Variants in SHANK1 observed in about 807,000 individuals in gnomAD.
SHANK1 encodes the protein SH3 and multiple ankyrin repeat domains protein 1.
SHANK1 carries 35 observed loss-of-function variants against 165.6 expected under a neutral mutation model. The ratio of observed to expected loss-of-function variants is 0.21; its 90% CI spans 0.16 to 0.28. The LOEUF is 0.28. Among genes scored for constraint, SHANK1 ranks in the 10% least tolerant of loss-of-function variants. SHANK1 has a pLI of 1.00. For missense variants in SHANK1, 2,681 were observed against 3,036.4 expected, an observed-to-expected ratio of 0.88 and a Z score of 2.75; for synonymous variants, 1,428 against 1,384.8, an observed-to-expected ratio of 1.03 and a Z score of -0.69.
intron 15 of SHANK1, among the ~76,000 whole-genome samples, chr19:50,691,900 G>A (rs1054838575): frequency 3.9e-5 from 6 of 151,958 alleles, no homozygotes; most frequent in African/African-American, 1.5e-4. Flanking sequence ...TCCCACGCTG[G>A]TCTTGAACTC....
At chr19:50,682,203 A>C (rs979500596) in intron 21 of SHANK1, among the ~76,000 whole-genome samples, 1 of 151,882 alleles carries the variant, frequency 6.6e-6, no homozygotes, top group Non-Finnish European at 1.5e-5. Flanking sequence ...CCACAGGTGC[A>C]CACCACCACG....
At chr19:50,673,814 CTTT>C (rs35868452) in intron 21 of SHANK1, among the ~76,000 whole-genome samples, 4 of 144,430 alleles carry the variant, frequency 2.8e-5, no homozygotes, top group Non-Finnish European at 3.0e-5. Flanking sequence ...AAAATTTAAA[CTTT>C]TTTTTTTTTT....
chr19:50,669,243 A>G lies in SHANK1; in HGVS notation c.2717T>C (p.Met906Thr). 6.2e-7 allele frequency: 1 copy of G among 1,611,920 alleles called. No homozygotes were observed. The highest frequency in any genetic ancestry group is 8.5e-7 in the Non-Finnish European group (1 of 1,179,088). ...CACAGACAGGCTGCGGCTGAATTTC[A>G]TGGCTGGGGGTGCTAGGTAAGGTCT... ...DDRPYLAPPA[M>T]KFSRSLSVPG... The change falls in exon 23 of 24, where the codon ATG (methionine) becomes ACG (threonine). Residue 906 changes from methionine (M) to threonine (T), a missense_variant. Physicochemically the swap from Met to Thr is moderately conservative, Grantham distance 81. This residue lies in a region of SHANK1 where 206 missense variants were observed against 216.0 expected (regional missense o/e 0.95). Transcript: ENST00000293441.
At chr19:50,708,408 C>T (rs977678293) in intron 8 of SHANK1, among the ~76,000 whole-genome samples, 1 of 152,050 alleles carries the variant, frequency 6.6e-6, no homozygotes, top group African/African-American at 2.4e-5. Context: ...TCGCATTTAA[C>T]GGCATCCTAG....
At chr19:50,700,652 T>A (rs1986888817) in intron 12 of SHANK1, among the ~76,000 whole-genome samples, 1 of 151,950 alleles carries the variant, frequency 6.6e-6, no homozygotes, top group Non-Finnish European at 1.5e-5. Flanking sequence ...GGCAATTAAG[T>A]CCCTCTTAAT....
intron 21 of SHANK1, among the ~76,000 whole-genome samples, chr19:50,676,595 T>G (rs1017152841): frequency 6.6e-6 from 1 of 152,064 alleles, no homozygotes; most frequent in Non-Finnish European, 1.5e-5. Context: ...GGCTCCAAGG[T>G]CTCCTCTCTG....
chr19:50,717,041 G>C lies in SHANK1; in HGVS notation c.-43-79C>G, dbSNP rs927263137. On this transcript the variant is annotated intron_variant, in intron 1 of 23. Transcript: ENST00000293441. This position sits in a 1 kb window ranked among gnomAD's most constrained non-coding sequence, Gnocchi z 5.5. ...CGCAGGCGCTATTCGGTGGTCAAGC[G>C]GTCAAGGGCAGCCTACCCCCACTGC... 2 of 1,222,036 alleles carry C rather than the reference G, an allele frequency of 1.6e-6. No homozygotes were observed. Among genetic ancestry groups the C allele is most frequent in the Non-Finnish European group, 2.1e-6 (2 of 940,074 alleles). The allele number at this position is 1,222,036 out of a possible 1,614,324, so 75.7% of individuals were successfully genotyped here. A position where few individuals can be genotyped will look rare whatever the true frequency, so the allele number is the denominator to read the frequency against.
chr19:50,683,528 T>A (rs1424103647), intron 21 of SHANK1, among the ~76,000 whole-genome samples: 1 of 152,152 alleles, frequency 6.6e-6, no homozygotes, highest in African/African-American at 2.4e-5. Context: ...ATTTTCTCCA[T>A]AAGGCACATC....
intron 23 of SHANK1, 105 bp downstream of exon 23, chr19:50,666,087 C>G (rs1438840025): frequency 2.9e-5 from 33 of 1,138,010 alleles, no homozygotes; most frequent in Non-Finnish European, 4.0e-5. Context: ...CAAACTCCTG[C>G]CAACCTGGTT....
Position 50,703,702 on chromosome 19 carries a change from A to G in SHANK1, c.1351T>C (p.Phe451Leu). 1 of 1,462,674 alleles carries G rather than the reference A, an allele frequency of 6.8e-7. No homozygotes were observed. 90.6% of individuals were successfully genotyped at this position (1,462,674 alleles called of 1,614,324 possible). A position where few individuals can be genotyped will look rare whatever the true frequency, so the allele number is the denominator to read the frequency against. ...TSMALPDWMV[F>L]SAPGAASSGA... The stretch of plus-strand genomic sequence containing the variant: ...GAGGACGCGGCCCCCGGGGCGGAGA[A>G]CACCATCCAGTCGGGCAGCGCCATG... Residue 451 changes from phenylalanine to leucine, a missense_variant, in exon 11 of 24, where the codon TTC becomes CTC. Phe to Leu is a conservative substitution (Grantham distance 22). Transcript: ENST00000293441.
At chr19:50,675,061 CAAAAAAAAA>C (rs10560370) in intron 21 of SHANK1, among the ~76,000 whole-genome samples, 1 of 85,706 alleles carries the variant, frequency 1.2e-5, no homozygotes. Context: ...CACTCGGTCT[CAAAAAAAAA>C]AAAAAAAAAA....
chr19:50,671,633 G>T (rs1006911010), intron 22 of SHANK1, among the ~76,000 whole-genome samples: 1 of 151,948 alleles, frequency 6.6e-6, no homozygotes, highest in African/African-American at 2.4e-5. Flanking sequence ...ATTCGCTGAC[G>T]TATCCCCATT....
At position 50,674,461 on chromosome 19, in the gene SHANK1, G is replaced by A. The variant is rs1985912006; in HGVS notation, c.2578-2347C>T. On this transcript the variant is annotated intron_variant, in intron 21 of 23. Transcript: ENST00000293441. ...TACCCCCTCCTGCCTCTTTCCTCCA[G>A]CCATTCACAACCATTCCCAGTTCCC... 2.0e-5 allele frequency among the ~76,000 whole-genome samples: 3 copies of A among 152,234 alleles called. No individual in the cohort carries two copies. In the South Asian group the frequency reaches 6.2e-4, roughly 32 times the overall value.
intron 15 of SHANK1, 30 bp from the exon 16 acceptor site, chr19:50,689,309 T>TGGGGGGGGGG: frequency 9.6e-7 from 1 of 1,037,156 alleles, no homozygotes; most frequent in Non-Finnish European, 1.5e-6. Flanking sequence ...AATGGGGGGG[T>TGGGGGGGGGG]GGTGGGGGGA....
chr19:50,676,246 T>A (rs1252753311), intron 21 of SHANK1, among the ~76,000 whole-genome samples: 1 of 151,908 alleles, frequency 6.6e-6, no homozygotes. Context: ...GAGGCTGCAG[T>A]GAGCTATGAT....
intron 21 of SHANK1, among the ~76,000 whole-genome samples, chr19:50,674,925 G>A (rs2123102062): frequency 1.3e-5 from 2 of 152,164 alleles, no homozygotes; most frequent in Middle Eastern, 3.4e-3. Flanking sequence ...AGCTGGGAGT[G>A]GCGGCATGTA....
rs1028677642 is a variant in SHANK1, at chr19:50,673,445, G to C, written c.2578-1331C>G. Among the ~76,000 whole-genome samples the C allele has an allele frequency of 6.6e-5, 10 of 152,176 alleles. No individual in the cohort carries two copies. The East Asian group carries it at 1.9e-3, about 29-fold the overall frequency. On this transcript the variant is annotated intron_variant, in intron 21 of 23. Coordinates refer to ENST00000293441, the MANE Select transcript of SHANK1 (RefSeq NM_016148.5). ...TCATTGGAGAACACCTGCGAGCCCTGGTTCTCTCGGCAACAGCTTTCCCTC... is the reference window on the plus strand; with the variant it reads ...TCATTGGAGAACACCTGCGAGCCCTCGTTCTCTCGGCAACAGCTTTCCCTC...
chr19:50,684,235 T>C (rs1399594147), intron 21 of SHANK1, among the ~76,000 whole-genome samples: 1 of 151,844 alleles, frequency 6.6e-6, no homozygotes, highest in African/African-American at 2.4e-5. Context: ...GAAGGTTTTT[T>C]TTTTTTTGAG....
intron 19 of SHANK1, chr19:50,687,026 T>A: frequency 6.7e-7 from 1 of 1,486,984 alleles, no homozygotes. Flanking sequence ...CCACTCTTCT[T>A]CTTCCAGGGG....
Sources: allele counts gnomAD v4.1 joint callset (sites outside exome capture counted in the v4.1 genomes callset), GRCh38; gene constraint gnomAD v4.1.1; regional missense constraint gnomAD v4.1.1; non-coding constraint Gnocchi (gnomAD v3.1); transcripts MANE v1.5; gene names NCBI Gene and HGNC (gene_info 2026-07-23, HGNC 2026-07-21).